The following RORA variants were observed in gnomAD, a reference collection of about 807,000 sequenced individuals.
RORA encodes the protein RAR related orphan receptor A, also known as nuclear receptor ROR-alpha.
RORA carries 7 observed loss-of-function variants against 69.5 expected under a neutral mutation model. That is an observed-to-expected ratio of 0.10 (90% CI 0.06 to 0.19). The LOEUF (loss-of-function observed/expected upper bound fraction) is 0.19. Among genes scored for constraint, RORA ranks in the 10% least tolerant of loss-of-function variants. The pLI is 1.00. For synonymous variants in RORA, 261 were observed against 240.8 expected (o/e 1.08, Z -0.78); for missense variants, 457 against 663.0 (o/e 0.69, Z 3.41).
Position 61,229,243 on chromosome 15 carries a change from T to C in RORA, c.-25A>G, listed in dbSNP as rs1188457703. The C allele has an allele frequency of 7.6e-7, 1 of 1,322,830 alleles. No individual in the cohort carries two copies. The highest frequency in any genetic ancestry group is 1.7e-5 in the African/African-American group (1 of 57,170). 81.9% of individuals were successfully genotyped at this position (1,322,830 alleles called of 1,614,324 possible). A position where few individuals can be genotyped will look rare whatever the true frequency, so the allele number is the denominator to read the frequency against. ...TGTTTTTTCCCAATGTAGAGATCGC[T>C]GGAGATGGCGAGCTCCGAGACTCCC... is the stretch of plus-strand genomic sequence containing the variant. On this transcript the variant is annotated 5_prime_UTR_variant, in exon 1 of 11. Transcript: ENST00000335670.
At chr15:60,881,810 A>G (rs1187473751) in intron 1 of RORA, among the ~76,000 whole-genome samples, 1 of 152,220 alleles carries the variant, frequency 6.6e-6, no homozygotes, top group Non-Finnish European at 1.5e-5. Flanking sequence ...AGCTCTTTGC[A>G]AAATGTTTTC....
chr15:60,754,766 A>G (rs1173484866), intron 1 of RORA, among the ~76,000 whole-genome samples: 2 of 152,186 alleles, frequency 1.3e-5, no homozygotes, highest in African/African-American at 4.8e-5. Context: ...AGATGAGGAA[A>G]CTAGGACCCA....
intron 1 of RORA, among the ~76,000 whole-genome samples, chr15:61,047,615 CA>C (rs888757126): frequency 3.9e-5 from 6 of 152,046 alleles, no homozygotes; most frequent in African/African-American, 1.4e-4. Context: ...AAAACAAAAA[CA>C]AAAACAAAAT....
intron 1 of RORA, among the ~76,000 whole-genome samples, chr15:61,133,708 G>T (rs2079212382): frequency 6.6e-6 from 1 of 152,142 alleles, no homozygotes; most frequent in Admixed American, 6.5e-5. Context: ...CCTCCAACCT[G>T]AGATAAACCA....
chr15:60,748,579 CTGACCTTA>C (rs879470845), intron 1 of RORA, among the ~76,000 whole-genome samples: 16 of 152,334 alleles, frequency 1.1e-4, no homozygotes, highest in Middle Eastern at 3.4e-3. Flanking sequence ...AACTAGGTTC[CTGACCTTA>C]TGACCTTATG....
chr15:60,828,626 G>C (rs1176004239), intron 1 of RORA, among the ~76,000 whole-genome samples: 1 of 152,204 alleles, frequency 6.6e-6, no homozygotes, highest in African/African-American at 2.4e-5. Context: ...GACCCTCAAA[G>C]AGAAAGCTCC....
Position 60,801,819 on chromosome 15 carries a change from C to T in RORA, c.167-123133G>A, listed in dbSNP as rs112417258. ...GCAAGCAGGCTTGTGTGGAATAATC[C>T]CTTAACTGTATGGTATAAAATTTGT... On this transcript the variant is annotated intron_variant, in intron 1 of 10. Coordinates refer to ENST00000335670, the MANE Select transcript of RORA (RefSeq NM_134261.3). 2.7e-3 allele frequency among the ~76,000 whole-genome samples: 411 copies of T among 152,210 alleles called. 1 individual carries two copies. Among genetic ancestry groups the T allele is most frequent in the African/African-American group, 9.3e-3 (387 of 41,510 alleles).
intron 2 of RORA, among the ~76,000 whole-genome samples, chr15:60,631,749 C>T (rs942336254): frequency 2.0e-5 from 3 of 152,256 alleles, no homozygotes; most frequent in Non-Finnish European, 4.4e-5. Context: ...TCACAGGCTC[C>T]TGGCTTACCT....
rs78199899 is a variant in RORA at position 60,819,596 on chromosome 15, C to A, written c.167-140910G>T. ...ATTTCCACAGCATCTCTGCTGCTGG[C>A]GCCCTTCGGAGGCTGGGGCTCGTCT... On this transcript the variant is annotated intron_variant, in intron 1 of 10. Transcript: ENST00000335670. Among the ~76,000 whole-genome samples the A allele has an allele frequency of 7.3e-3, 1,117 of 152,268 alleles. 4 individuals carry two copies. The highest frequency in any genetic ancestry group is 0.022 in the South Asian group (105 of 4,822).
At chr15:60,568,421 G>C (rs555101361) in intron 2 of RORA, among the ~76,000 whole-genome samples, 4 of 152,212 alleles carry the variant, frequency 2.6e-5, no homozygotes, top group Non-Finnish European at 5.9e-5. Context: ...TGCTGATGTA[G>C]TTAAGGGAAA....
chr15:60,793,733 A>G (rs1054155307), intron 1 of RORA, among the ~76,000 whole-genome samples: 4 of 152,204 alleles, frequency 2.6e-5, no homozygotes, highest in East Asian at 3.8e-4. Context: ...GGGAGAATTT[A>G]TGAAACTTCA....
chr15:60,808,593 G>C (rs1163227595), intron 1 of RORA, among the ~76,000 whole-genome samples: 1 of 151,632 alleles, frequency 6.6e-6, no homozygotes, highest in Non-Finnish European at 1.5e-5. Flanking sequence ...GTCATTATAT[G>C]AAAAAGATAC....
At chr15:60,600,537 C>A (rs1359010091) in intron 2 of RORA, among the ~76,000 whole-genome samples, 1 of 152,168 alleles carries the variant, frequency 6.6e-6, no homozygotes, top group African/African-American at 2.4e-5. Context: ...TATTTATGTC[C>A]AGTCCTACAC....
intron 1 of RORA, among the ~76,000 whole-genome samples, chr15:61,009,177 C>T (rs1300414977): frequency 6.6e-6 from 1 of 152,166 alleles, no homozygotes; most frequent in Non-Finnish European, 1.5e-5. Flanking sequence ...GAAGAAGAAA[C>T]TTGGTGTTCT....
At chr15:61,020,043 G>C (rs1895451470) in intron 1 of RORA, among the ~76,000 whole-genome samples, 2 of 152,198 alleles carry the variant, frequency 1.3e-5, no homozygotes, top group Non-Finnish European at 1.5e-5. Flanking sequence ...ATTCACATTT[G>C]CAAGTGTCTG....
intron 2 of RORA, among the ~76,000 whole-genome samples, chr15:60,540,564 A>ACCCCCCCCCCCCCCCC (rs56827621): frequency 2.2e-5 from 1 of 46,052 alleles, no homozygotes; most frequent in African/African-American, 5.2e-5. Flanking sequence ...AATTTCCATG[A>ACCCCCCCCCCCCCCCC]CCCCCCCCCC....
At chr15:60,525,074 AGAT>A (rs1226274546) in intron 3 of RORA, among the ~76,000 whole-genome samples, 2 of 151,974 alleles carry the variant, frequency 1.3e-5, no homozygotes, top group Non-Finnish European at 2.9e-5. Flanking sequence ...CAACAACAAA[AGAT>A]GAACAAACAA....
chr15:60,717,796 C>CTTTTTTTTTTTTTTTTTTTTTTTT (rs10653856), intron 1 of RORA, among the ~76,000 whole-genome samples: 7 of 91,972 alleles, frequency 7.6e-5, no homozygotes, highest in East Asian at 3.9e-4. Context: ...TTCTTTTTCT[C>CTTTTTTTTTTTTTTTTTTTTTTTT]TTTTTTTTTT....
At chr15:60,613,004 T>C (rs193012501) in intron 2 of RORA, among the ~76,000 whole-genome samples, 1 of 152,204 alleles carries the variant, frequency 6.6e-6, no homozygotes, top group Non-Finnish European at 1.5e-5. Context: ...TACTTATCTT[T>C]AAGGCCACTG....
Sources: allele counts gnomAD v4.1 joint callset (sites outside exome capture counted in the v4.1 genomes callset), GRCh38; gene constraint gnomAD v4.1.1; transcripts MANE v1.5; gene names NCBI Gene and HGNC (gene_info 2026-07-23, HGNC 2026-07-21).